The following HS6ST3 variants were observed in gnomAD, a reference collection of about 807,000 sequenced individuals.
HS6ST3 encodes heparan-sulfate 6-O-sulfotransferase 3.
Under a neutral mutation model 36.7 loss-of-function variants are expected in HS6ST3, and 12 were observed. The observed-to-expected ratio is 0.33, with a 90% CI of 0.21 to 0.53. The LOEUF (loss-of-function observed/expected upper bound fraction) is 0.53. Ranked by LOEUF, HS6ST3 falls within the 20% of genes least tolerant of loss-of-function variation. The pLI is 0.95. For missense variants in HS6ST3, 584 were observed against 640.9 expected, an observed-to-expected ratio of 0.91 and a Z score of 0.96; for synonymous variants, 240 against 257.5, an observed-to-expected ratio of 0.93 and a Z score of 0.65.
intron 1 of HS6ST3, among the ~76,000 whole-genome samples, chr13:96,653,394 G>A (rs1279447083): frequency 1.3e-5 from 2 of 151,954 alleles, no homozygotes; most frequent in Non-Finnish European, 2.9e-5. Flanking sequence ...GGTGTGTGTT[G>A]TTCCCCTCCT....
At chr13:96,299,976 G>A (rs904082906) in intron 1 of HS6ST3, among the ~76,000 whole-genome samples, 14 of 151,712 alleles carry the variant, frequency 9.2e-5, no homozygotes, top group East Asian at 1.9e-4. Context: ...CAATCATGGC[G>A]GAAGAGCAAA....
chr13:96,361,766 G>A (rs1181870242), intron 1 of HS6ST3, among the ~76,000 whole-genome samples: 1 of 152,206 alleles, frequency 6.6e-6, no homozygotes, highest in Non-Finnish European at 1.5e-5. Context: ...AGTTAAAGTA[G>A]ATGTTACAGT....
intron 1 of HS6ST3, among the ~76,000 whole-genome samples, chr13:96,715,760 T>G (rs1157668329): frequency 1.3e-5 from 2 of 152,142 alleles, no homozygotes; most frequent in Admixed American, 6.5e-5. Context: ...TCAGCAATTT[T>G]TAAGCATAGT....
At position 96,766,268 on chromosome 13, in the gene HS6ST3, A is replaced by G. The variant is rs114688210; in HGVS notation, c.708-66222A>G. Among the ~76,000 whole-genome samples the G allele has an allele frequency of 9.2e-3, 1,397 of 152,338 alleles. 18 individuals carry two copies. Among genetic ancestry groups the G allele is most frequent in the African/African-American group, 0.031 (1,288 of 41,570 alleles). The stretch of plus-strand genomic sequence containing the variant: ...TGCAGAATTGCTGTTGATACCTTGA[A>G]AAGTAAATGTGACAGTGTGGTGTTA... On this transcript the variant is annotated intron_variant, in intron 1 of 1. Transcript: ENST00000376705.
At chr13:96,629,955 C>G (rs1397324030) in intron 1 of HS6ST3, among the ~76,000 whole-genome samples, 1 of 151,560 alleles carries the variant, frequency 6.6e-6, no homozygotes, top group Non-Finnish European at 1.5e-5. Flanking sequence ...ATATTTTTTT[C>G]TCTGAGTTGA....
chr13:96,334,552 T>A (rs1364071213), intron 1 of HS6ST3, among the ~76,000 whole-genome samples: 1 of 152,196 alleles, frequency 6.6e-6, no homozygotes, highest in East Asian at 1.9e-4. Context: ...TTTAATGAAC[T>A]CACAATTCCA....
chr13:96,526,356 C>T (rs1020316810), intron 1 of HS6ST3, among the ~76,000 whole-genome samples: 7 of 152,140 alleles, frequency 4.6e-5, no homozygotes, highest in African/African-American at 1.4e-4. Context: ...AAAGGTCACT[C>T]TAGATGCTGT....
At chr13:96,097,410 A>G (rs919584266) in intron 1 of HS6ST3, among the ~76,000 whole-genome samples, 1 of 152,204 alleles carries the variant, frequency 6.6e-6, no homozygotes, top group Non-Finnish European at 1.5e-5. Flanking sequence ...GAGACCGGCA[A>G]ATCCTAATGT....
intron 1 of HS6ST3, among the ~76,000 whole-genome samples, chr13:96,610,221 C>T (rs1401287444): frequency 6.6e-6 from 1 of 152,222 alleles, no homozygotes; most frequent in Non-Finnish European, 1.5e-5. Flanking sequence ...AGCTACCCTT[C>T]TGGGTCATTG....
intron 1 of HS6ST3, among the ~76,000 whole-genome samples, chr13:96,815,220 C>T (rs1423270439): frequency 6.6e-6 from 1 of 152,178 alleles, no homozygotes. Context: ...CTGGAAGTCT[C>T]AGCTGTTTTT....
chr13:96,499,422 A>G (rs1488008992), intron 1 of HS6ST3, among the ~76,000 whole-genome samples: 4 of 152,208 alleles, frequency 2.6e-5, no homozygotes. Context: ...CAAAAGAGCC[A>G]TGAATCTCTA....
intron 1 of HS6ST3, among the ~76,000 whole-genome samples, chr13:96,286,584 C>G (rs181702374): frequency 7.2e-5 from 11 of 152,246 alleles, no homozygotes; most frequent in Admixed American, 4.6e-4. Context: ...AGGATATTCT[C>G]CACAGAGTTA....
chr13:96,665,721 C>G (rs1361387093), intron 1 of HS6ST3, among the ~76,000 whole-genome samples: 1 of 152,108 alleles, frequency 6.6e-6, no homozygotes, highest in African/African-American at 2.4e-5. Flanking sequence ...ATGGTGTGAT[C>G]ATGAGCATTA....
chr13:96,646,678 A>T (rs1179336576), intron 1 of HS6ST3, among the ~76,000 whole-genome samples: 1 of 151,894 alleles, frequency 6.6e-6, no homozygotes, highest in Non-Finnish European at 1.5e-5. Flanking sequence ...TCATCCCTTT[A>T]TGCCGATGAA....
At chr13:96,491,494 C>T (rs2055945492) in intron 1 of HS6ST3, among the ~76,000 whole-genome samples, 1 of 147,928 alleles carries the variant, frequency 6.8e-6, no homozygotes, top group Non-Finnish European at 1.5e-5. Context: ...AAAAAAATAC[C>T]CAGAACAGTG....
intron 1 of HS6ST3, among the ~76,000 whole-genome samples, chr13:96,450,093 T>G (rs2139485129): frequency 6.6e-6 from 1 of 152,328 alleles, no homozygotes; most frequent in African/African-American, 2.4e-5. Flanking sequence ...CAACTAGTTG[T>G]TTTATGTGGA....
rs553055801 is a variant in HS6ST3, at chr13:96,287,114, A to G, written c.707+195545A>G. 3.3e-5 allele frequency among the ~76,000 whole-genome samples: 5 copies of G among 152,314 alleles called. No homozygotes were observed. The East Asian group carries it at 9.7e-4, about 29-fold the overall frequency. ...TGTCACCAAGGCACAATGTAGTAGA[A>G]GTTGACTCCAGCAGCCACAGTCCCT... On this transcript the variant is annotated intron_variant, in intron 1 of 1. Transcript: ENST00000376705.
intron 1 of HS6ST3, among the ~76,000 whole-genome samples, chr13:96,100,365 C>T (rs754690769): frequency 1.8e-4 from 28 of 152,220 alleles, no homozygotes; most frequent in Non-Finnish European, 2.5e-4. Context: ...CAAGCAGAGG[C>T]ACACTTTGGG....
At chr13:96,794,806 T>C (rs1877871328) in intron 1 of HS6ST3, among the ~76,000 whole-genome samples, 1 of 152,082 alleles carries the variant, frequency 6.6e-6, no homozygotes, top group African/African-American at 2.4e-5. Flanking sequence ...GGTCATCAGA[T>C]GAAACATGAA....
Sources: allele counts gnomAD v4.1 joint callset (sites outside exome capture counted in the v4.1 genomes callset), GRCh38; gene constraint gnomAD v4.1.1; transcripts MANE v1.5; gene names NCBI Gene and HGNC (gene_info 2026-07-23, HGNC 2026-07-21).